The following SLC44A5 variants were observed in gnomAD, a reference collection of about 807,000 sequenced individuals.
SLC44A5 encodes choline transporter-like protein 5.
A neutral mutation model predicts 101.8 loss-of-function variants in SLC44A5; 57 were observed. That is an observed-to-expected ratio of 0.56 (90% confidence interval 0.45 to 0.70). The LOEUF is 0.70. Among genes scored for constraint, SLC44A5 ranks in the 30% least tolerant of loss-of-function variants. The pLI is 0.00. For missense variants in SLC44A5, 737 were observed against 853.1 expected, an observed-to-expected ratio of 0.86 and a Z score of 1.70; for synonymous variants, 281 against 290.9, an observed-to-expected ratio of 0.97 and a Z score of 0.35.
At chr1:75,320,927 G>A (rs1656093232) in intron 4 of SLC44A5, among the ~76,000 whole-genome samples, 1 of 152,074 alleles carries the variant, frequency 6.6e-6, no homozygotes, top group African/African-American at 2.4e-5. Flanking sequence ...AGAAAATCAT[G>A]CCAGGACTCT....
At chr1:75,279,490 A>G (rs1652211551) in intron 5 of SLC44A5, among the ~76,000 whole-genome samples, 1 of 152,120 alleles carries the variant, frequency 6.6e-6, no homozygotes, top group African/African-American at 2.4e-5. Flanking sequence ...GAACCACCCA[A>G]CCAAGCTGTG....
At chr1:75,704,350 A>G in the SLC44A5 span, among the ~76,000 whole-genome samples, 35 of 152,088 alleles carry the variant, frequency 2.3e-4, no homozygotes, top group Non-Finnish European at 4.9e-4. Context: ...TCGGCAGAAC[A>G]TGATGGCTCA....
chr1:75,716,327 C>T, the SLC44A5 span, among the ~76,000 whole-genome samples: 3 of 151,562 alleles, frequency 2.0e-5, no homozygotes, highest in African/African-American at 7.3e-5. Context: ...AAAAATTAGC[C>T]AGGCACGGTG....
intron 2 of SLC44A5, among the ~76,000 whole-genome samples, chr1:75,517,071 G>C (rs570194026): frequency 7.2e-5 from 11 of 152,302 alleles, no homozygotes; most frequent in African/African-American, 2.4e-4. Context: ...AATATGTTGA[G>C]AAATTTCCTC....
intron 4 of SLC44A5, among the ~76,000 whole-genome samples, chr1:75,304,227 A>C (rs1253744787): frequency 1.3e-5 from 2 of 152,258 alleles, no homozygotes; most frequent in East Asian, 3.9e-4. Flanking sequence ...AGTAGACATT[A>C]GTATTTCTAA....
chr1:75,575,899 C>T (rs1486114866), intron 1 of SLC44A5, among the ~76,000 whole-genome samples: 1 of 152,094 alleles, frequency 6.6e-6, no homozygotes, highest in East Asian at 1.9e-4. Flanking sequence ...TTGGGTCAAC[C>T]AACATTCAGA....
chr1:75,406,872 G>C (rs1450011019), intron 2 of SLC44A5, among the ~76,000 whole-genome samples: 4 of 142,482 alleles, frequency 2.8e-5, no homozygotes, highest in Non-Finnish European at 4.7e-5. Context: ...AATCAGGCAA[G>C]AGAAAGAAAT....
intron 3 of SLC44A5, among the ~76,000 whole-genome samples, chr1:75,375,877 C>T (rs1000589108): frequency 3.3e-5 from 5 of 152,188 alleles, no homozygotes; most frequent in East Asian, 1.9e-4. Context: ...CAGCTCCCAG[C>T]GTGAGTGACA....
chr1:75,491,615 G>C (rs1460639191), intron 2 of SLC44A5, among the ~76,000 whole-genome samples: 3 of 152,096 alleles, frequency 2.0e-5, no homozygotes, highest in Non-Finnish European at 4.4e-5. Flanking sequence ...GGCTCATGAT[G>C]CTTTATTTTT....
intron 2 of SLC44A5, among the ~76,000 whole-genome samples, chr1:75,408,018 A>C (rs1662995290): frequency 1.3e-5 from 2 of 152,234 alleles, no homozygotes; most frequent in African/African-American, 4.8e-5. Context: ...TTTAGAAGAA[A>C]AACAACAAAT....
chr1:75,268,642 G>C (rs1651204173), intron 6 of SLC44A5, among the ~76,000 whole-genome samples: 1 of 152,036 alleles, frequency 6.6e-6, no homozygotes, highest in South Asian at 2.1e-4. Context: ...TATCCGTTCA[G>C]ACTTTTTTCT....
intron 5 of SLC44A5, among the ~76,000 whole-genome samples, chr1:75,287,769 G>T (rs964900872): frequency 2.6e-5 from 4 of 152,100 alleles, no homozygotes; most frequent in African/African-American, 9.7e-5. Context: ...TGCTACTGGG[G>T]AGTGTCTATG....
chr1:75,698,121 C>A, the SLC44A5 span, among the ~76,000 whole-genome samples: 2 of 152,202 alleles, frequency 1.3e-5, no homozygotes, highest in South Asian at 4.1e-4. Flanking sequence ...AACAAAGCAG[C>A]TTGGAAGCTC....
At chr1:75,320,669 C>T (rs1449806203) in intron 4 of SLC44A5, among the ~76,000 whole-genome samples, 1 of 152,088 alleles carries the variant, frequency 6.6e-6, no homozygotes, top group Non-Finnish European at 1.5e-5. Context: ...TTTTGAATGA[C>T]ATATATTTGT....
chr1:75,462,555 C>A (rs934587829), intron 2 of SLC44A5, among the ~76,000 whole-genome samples: 2 of 152,082 alleles, frequency 1.3e-5, no homozygotes, highest in Non-Finnish European at 2.9e-5. Flanking sequence ...CATCAGGGAC[C>A]AGTCCTGGAG....
the SLC44A5 span, among the ~76,000 whole-genome samples, chr1:75,661,563 C>T: frequency 5.9e-5 from 9 of 151,770 alleles, no homozygotes; most frequent in Non-Finnish European, 8.8e-5. Context: ...TCAGCACAGT[C>T]AACAGACAAC....
intron 5 of SLC44A5, among the ~76,000 whole-genome samples, chr1:75,299,885 G>T (rs1260021088): frequency 6.6e-6 from 1 of 151,250 alleles, no homozygotes; most frequent in African/African-American, 2.4e-5. Context: ...GCATGGTAGT[G>T]CATGCCTGTA....
intron 2 of SLC44A5, among the ~76,000 whole-genome samples, chr1:75,453,751 T>G (rs748910907): frequency 4.6e-5 from 7 of 151,932 alleles, no homozygotes; most frequent in Non-Finnish European, 8.8e-5. Flanking sequence ...CAAAAGACCC[T>G]CAGAGACTAT....
At chr1:75,353,563 G>A (rs1464438802) in intron 3 of SLC44A5, among the ~76,000 whole-genome samples, 2 of 152,148 alleles carry the variant, frequency 1.3e-5, no homozygotes, top group Admixed American at 6.5e-5. Flanking sequence ...ATTTATCTTA[G>A]AGCTGTCTTT....
Sources: allele counts gnomAD v4.1 joint callset (sites outside exome capture counted in the v4.1 genomes callset), GRCh38; gene constraint gnomAD v4.1.1; transcripts MANE v1.5; gene names NCBI Gene and HGNC (gene_info 2026-07-23, HGNC 2026-07-21).